Variants in CENPK observed in about 807,000 individuals in gnomAD.
CENPK encodes the protein centromere protein K, also known as SoxLZ/Sox6-binding protein Solt.
Under a neutral mutation model 40.9 loss-of-function variants are expected in CENPK, and 46 were observed. That is an observed-to-expected ratio of 1.13 (90% CI 0.89 to 1.44). The LOEUF (loss-of-function observed/expected upper bound fraction) is 1.44. Ranked by LOEUF, CENPK falls within the 40% of genes most tolerant of loss-of-function variation. The pLI is 0.00. For missense variants in CENPK, 288 were observed against 303.5 expected (o/e 0.95, Z 0.38); for synonymous variants, 107 against 104.4 (o/e 1.02, Z -0.15).
Position 65,534,198 on chromosome 5 carries a change from C to A in CENPK, c.289-4999G>T, listed in dbSNP as rs186359728. ...TGAAAACTACAAAACACTGGTGAGA[C>A]AAAATGTTTAAATATCAAATAAATG... On this transcript the variant is annotated intron_variant, in intron 6 of 10. Coordinates refer to ENST00000396679, the MANE Select transcript of CENPK (RefSeq NM_022145.5). Among the ~76,000 whole-genome samples the A allele has an allele frequency of 3.6e-3, 548 of 151,762 alleles. 5 individuals carry two copies. The highest frequency in any genetic ancestry group is 2.8e-3 in the Non-Finnish European group (187 of 67,938).
exon 1 of CENPK, chr5:65,563,164 TCTGCGCGCG>T (rs1752349287): frequency 9.2e-7 from 1 of 1,086,698 alleles, no homozygotes; most frequent in Non-Finnish European, 1.3e-6. Flanking sequence ...GCCCCGGACT[TCTGCGCGCG>T]CTGCATGCCC....
At chr5:65,500,179 TA>T in the CENPK span, among the ~76,000 whole-genome samples, 1 of 49,722 alleles carries the variant, frequency 2.0e-5, no homozygotes, top group African/African-American at 8.0e-5. Context: ...TTTGGGTATA[TA>T]CCCAGTAATG....
intron 6 of CENPK, among the ~76,000 whole-genome samples, chr5:65,533,350 AAAAT>A (rs61642453): frequency 6.8e-6 from 1 of 148,112 alleles, no homozygotes; most frequent in Non-Finnish European, 1.5e-5. Flanking sequence ...ACCCTGTATC[AAAAT>A]AAATAAATAA....
intron 5 of CENPK, among the ~76,000 whole-genome samples, chr5:65,548,968 G>C (rs1008487085): frequency 1.3e-5 from 2 of 152,058 alleles, no homozygotes; most frequent in Non-Finnish European, 1.5e-5. Context: ...ATCTAGAATG[G>C]GGGATACTTT....
In CENPK at chr5:65,554,913, T is replaced by C. The variant is rs778744562; in HGVS notation, c.-6A>G. 1.2e-5 allele frequency: 18 copies of C among 1,503,072 alleles called. No individual in the cohort carries two copies. Among genetic ancestry groups the C allele is most frequent in the Admixed American group, 5.3e-5 (3 of 56,716 alleles). The allele number at this position is 1,503,072 out of a possible 1,614,324, so 93.1% of individuals were successfully genotyped here. ...TCTAGATCCTCCTGATTCATTGATATATGCTTTGTGAATTTTTAGCCTTAT... is the reference window on the plus strand; with the variant it reads ...TCTAGATCCTCCTGATTCATTGATACATGCTTTGTGAATTTTTAGCCTTAT... On this transcript the variant is annotated 5_prime_UTR_variant, in exon 3 of 11. It adds an upstream start codon to the 5' untranslated region. Transcript: ENST00000396679.
chr5:65,523,363 T>C (rs1744117034), intron 9 of CENPK, among the ~76,000 whole-genome samples: 1 of 152,224 alleles, frequency 6.6e-6, no homozygotes, highest in Middle Eastern at 3.2e-3. Context: ...TTCAATTAAT[T>C]ATAAAGTTGC....
the CENPK span, among the ~76,000 whole-genome samples, chr5:65,510,050 A>G: frequency 2.0e-5 from 3 of 152,218 alleles, no homozygotes. Flanking sequence ...CAATATTGAA[A>G]TAGGCCAATT....
downstream of CENPK, among the ~76,000 whole-genome samples, chr5:65,513,027 T>C (rs908184597): frequency 1.4e-4 from 22 of 152,346 alleles, no homozygotes; most frequent in Middle Eastern, 3.4e-3. Context: ...AATTGGTTTT[T>C]CTTATTGTTG....
intron 9 of CENPK, 54 bp downstream of exon 9, chr5:65,528,398 C>G: frequency 6.6e-7 from 1 of 1,522,972 alleles, no homozygotes; most frequent in Non-Finnish European, 8.8e-7. Context: ...TCTAAACCCA[C>G]CTAAAATAAT....
chr5:65,508,675 AC>A, the CENPK span, among the ~76,000 whole-genome samples: 3 of 151,512 alleles, frequency 2.0e-5, no homozygotes, highest in Non-Finnish European at 4.4e-5. Context: ...AATCCCAGCT[AC>A]TTGGGAGACT....
chr5:65,543,585 G>C (rs974954748), intron 5 of CENPK, among the ~76,000 whole-genome samples: 9 of 152,066 alleles, frequency 5.9e-5, no homozygotes, highest in African/African-American at 2.2e-4. Context: ...GACCTATATA[G>C]GTCTAATTCA....
rs1745137975 is a variant in CENPK at position 65,528,452 on chromosome 5, CTT to C, written c.595_596del (p.Lys199GlufsTer15). On this transcript the variant is annotated frameshift_variant and splice_region_variant, in exon 9 of 11. Transcript: ENST00000396679. LOFTEE classifies it high-confidence loss of function. ...CATAAATGTCTTCTCTAAAACTTACCTTTTTCTTTTTAACACTTCTATCAGGC... is the reference window on the plus strand; with the variant it reads ...CATAAATGTCTTCTCTAAAACTTACCTTTCTTTTTAACACTTCTATCAGGC... The part of the protein sequence containing the change: ...PLPDRSVKKK[K>X]KNIQESSVNL... 6.3e-7 allele frequency: 1 copy of C among 1,584,216 alleles called. No individual in the cohort carries two copies. The highest frequency in any genetic ancestry group is 1.4e-5 in the African/African-American group (1 of 72,644).
chr5:65,538,792 G>A (rs892823068), intron 6 of CENPK, among the ~76,000 whole-genome samples: 1 of 152,132 alleles, frequency 6.6e-6, no homozygotes, highest in Admixed American at 6.6e-5. Context: ...CTAGTTTAAT[G>A]TCTCCATATC....
At chr5:65,529,500 T>C (rs1335192341) in intron 6 of CENPK, 2 of 216,924 alleles carry the variant, frequency 9.2e-6, no homozygotes, top group Non-Finnish European at 1.8e-5. Flanking sequence ...TCTTTCTTTT[T>C]TTTTTTTGAG....
intron 5 of CENPK, among the ~76,000 whole-genome samples, chr5:65,550,004 A>T (rs994505436): frequency 3.3e-5 from 5 of 151,774 alleles, no homozygotes; most frequent in African/African-American, 4.8e-5. Context: ...TGTCTCTAAT[A>T]AAAAAATACA....
chr5:65,551,525 AG>A (rs761782343), intron 5 of CENPK, 38 bp downstream of exon 5: 1 of 1,084,796 alleles, frequency 9.2e-7, no homozygotes, highest in Non-Finnish European at 1.3e-6. Flanking sequence ...TGCTATTAAT[AG>A]GTTTACAAAA....
chr5:65,530,335 T>A (rs775081105), intron 6 of CENPK, among the ~76,000 whole-genome samples: 35 of 151,922 alleles, frequency 2.3e-4, no homozygotes, highest in Admixed American at 7.2e-4. Context: ...AGTAAAGGTA[T>A]GAAGAGCAAG....
At position 65,563,142 on chromosome 5, in the gene CENPK, A is replaced by C; in HGVS notation, c.-186T>G. 1.2e-6 allele frequency: 1 copy of C among 828,694 alleles called. No homozygotes were observed. Among genetic ancestry groups the C allele is most frequent in the South Asian group, 1.8e-5 (1 of 54,408 alleles). 51.3% of individuals were successfully genotyped at this position (828,694 alleles called of 1,614,324 possible). A position where few individuals can be genotyped will look rare whatever the true frequency, so the allele number is the denominator to read the frequency against. Reference sequence around the variant, plus strand: ...CCAGGTCGCCTAGGCGCTGCGCAGGAAGCGCTTGCCAGCCCCGGACTTCTG... The same window carrying C: ...CCAGGTCGCCTAGGCGCTGCGCAGGCAGCGCTTGCCAGCCCCGGACTTCTG... On this transcript the variant is annotated 5_prime_UTR_variant, in exon 1 of 11. Transcript: ENST00000396679.
intron 2 of CENPK, chr5:65,561,216 T>C (rs1751892984): frequency 3.9e-6 from 1 of 253,820 alleles, no homozygotes; most frequent in African/African-American, 2.2e-5. Flanking sequence ...TAAGATACAG[T>C]TTAAGTTCAC....
Sources: allele counts gnomAD v4.1 joint callset (sites outside exome capture counted in the v4.1 genomes callset), GRCh38; gene constraint gnomAD v4.1.1; transcripts MANE v1.5; gene names NCBI Gene and HGNC (gene_info 2026-07-23, HGNC 2026-07-21).